FARS2: variants seen among roughly 807,000 people sequenced by gnomAD.
FARS2 encodes the protein phenylalanine--tRNA ligase, mitochondrial.
A neutral mutation model predicts 46.4 loss-of-function variants in FARS2; 40 were observed. The observed-to-expected ratio is 0.86, with a 90% CI of 0.67 to 1.12. The LOEUF is 1.12. Ranked by LOEUF, FARS2 falls within the 50% of genes most tolerant of loss-of-function variation. The probability of loss-of-function intolerance (pLI) is 0.00; values close to 1 mark genes in which losing one functional copy is unlikely to be tolerated. For synonymous variants in FARS2, 234 were observed against 214.9 expected (o/e 1.09, Z -0.78); for missense variants, 513 against 567.9 (o/e 0.90, Z 0.98).
intron 1 of FARS2, among the ~76,000 whole-genome samples, chr6:5,283,992 A>G (rs180845266): frequency 1.4e-4 from 22 of 152,322 alleles, no homozygotes; most frequent in African/African-American, 5.3e-4. Flanking sequence ...GTTGATAGAT[A>G]TTGTCAAATT....
intron 6 of FARS2, among the ~76,000 whole-genome samples, chr6:5,642,013 G>C (rs536823912): frequency 1.2e-4 from 18 of 152,096 alleles, no homozygotes; most frequent in Admixed American, 2.0e-4. Context: ...TGTTATCCTT[G>C]GTACTTACCA....
At chr6:5,667,512 C>A (rs147491714) in intron 6 of FARS2, among the ~76,000 whole-genome samples, 1 of 129,216 alleles carries the variant, frequency 7.7e-6, no homozygotes, top group Non-Finnish European at 1.6e-5. Context: ...AGCAAGACAC[C>A]GTCTCAAGAA....
At chr6:5,516,747 G>C (rs1768820407) in intron 4 of FARS2, among the ~76,000 whole-genome samples, 1 of 152,156 alleles carries the variant, frequency 6.6e-6, no homozygotes. Flanking sequence ...ACCTATAAAA[G>C]AGCTGTGTAT....
chr6:5,255,876 G>T, the FARS2 span, among the ~76,000 whole-genome samples: 1 of 152,198 alleles, frequency 6.6e-6, no homozygotes, highest in Non-Finnish European at 1.5e-5. Flanking sequence ...ACCCCAGGAT[G>T]AGAACTACTA....
At chr6:5,548,639 AATAAAG>A in intron 5 of FARS2, among the ~76,000 whole-genome samples, 1 of 152,220 alleles carries the variant, frequency 6.6e-6, no homozygotes. Context: ...TGGTGTGACA[AATAAAG>A]ATGAAAAACA....
intron 6 of FARS2, among the ~76,000 whole-genome samples, chr6:5,615,841 C>T (rs1035554596): frequency 2.0e-5 from 3 of 151,802 alleles, no homozygotes; most frequent in Non-Finnish European, 4.4e-5. Context: ...TCTAGAATGC[C>T]AAGAAACCAA....
chr6:5,770,341 T>C (rs894139018), intron 6 of FARS2, among the ~76,000 whole-genome samples: 1 of 152,188 alleles, frequency 6.6e-6, no homozygotes, highest in Non-Finnish European at 1.5e-5. Flanking sequence ...CTGGGAGCCC[T>C]CAATTTGTTT....
At chr6:5,593,783 T>A in intron 5 of FARS2, among the ~76,000 whole-genome samples, 1 of 152,192 alleles carries the variant, frequency 6.6e-6, no homozygotes, top group Non-Finnish European at 1.5e-5. Flanking sequence ...TTCGGGGCAG[T>A]GGAGAAGCCA....
chr6:5,341,229 A>T (rs1233264323), intron 1 of FARS2, among the ~76,000 whole-genome samples: 565 of 4,404 alleles, frequency 0.13, 48 homozygotes, highest in African/African-American at 0.23. Flanking sequence ...ATATATATAT[A>T]TATATATTTT....
At chr6:5,567,800 GA>G (rs2092626362) in intron 5 of FARS2, among the ~76,000 whole-genome samples, 1 of 152,230 alleles carries the variant, frequency 6.6e-6, no homozygotes, top group Non-Finnish European at 1.5e-5. Flanking sequence ...AGAGGCCTTG[GA>G]ATTATTTAGC....
upstream of FARS2, among the ~76,000 whole-genome samples, chr6:5,257,537 C>A (rs1317190598): frequency 1.3e-5 from 2 of 152,190 alleles, no homozygotes; most frequent in Admixed American, 6.5e-5. Flanking sequence ...GGTCCCCAAC[C>A]CATCAGTACT....
intron 6 of FARS2, among the ~76,000 whole-genome samples, chr6:5,679,432 G>A (rs1438222869): frequency 6.6e-6 from 1 of 152,082 alleles, no homozygotes; most frequent in Non-Finnish European, 1.5e-5. Context: ...GAGTGCTTTT[G>A]CAGATTGCCT....
chr6:5,298,121 G>GGATAT (rs1768024345), intron 1 of FARS2, among the ~76,000 whole-genome samples: 1 of 152,224 alleles, frequency 6.6e-6, no homozygotes. Flanking sequence ...TTTGTGAAGA[G>GGATAT]GATATGCATT....
At chr6:5,362,512 G>C (rs992475206) in intron 1 of FARS2, among the ~76,000 whole-genome samples, 3 of 152,104 alleles carry the variant, frequency 2.0e-5, no homozygotes, top group East Asian at 3.9e-4. Flanking sequence ...CCATATCTTG[G>C]CCATTGTGAA....
chr6:5,431,234 G>T (rs1763148711), intron 4 of FARS2, 62 bp downstream of exon 4: 1 of 1,553,384 alleles, frequency 6.4e-7, no homozygotes, highest in Admixed American at 1.7e-5. Context: ...TTCTCAGGCA[G>T]CCCCGTTGCA....
chr6:5,353,726 G>GTTTTTTTTTTTTTTTTTTTTTTT (rs55998904), intron 1 of FARS2, among the ~76,000 whole-genome samples: 1 of 40,362 alleles, frequency 2.5e-5, no homozygotes, highest in Non-Finnish European at 4.3e-5. Context: ...AATATTTGGT[G>GTTTTTTTTTTTTTTTTTTTTTTT]TTTTTTTTTT....
intron 6 of FARS2, among the ~76,000 whole-genome samples, chr6:5,701,953 G>A (rs1004968561): frequency 7.9e-5 from 12 of 152,108 alleles, no homozygotes; most frequent in African/African-American, 2.9e-4. Flanking sequence ...AGAAAATGAT[G>A]GGTGGCTTGT....
intron 5 of FARS2, among the ~76,000 whole-genome samples, chr6:5,604,919 C>T (rs1774743693): frequency 1.3e-5 from 2 of 152,160 alleles, no homozygotes; most frequent in South Asian, 4.1e-4. Flanking sequence ...AAAAGTTCTA[C>T]ATGAAAATCT....
chr6:5,742,739 G>C (rs1357799711), intron 6 of FARS2, among the ~76,000 whole-genome samples: 1 of 152,008 alleles, frequency 6.6e-6, no homozygotes, highest in African/African-American at 2.4e-5. Context: ...TGCAAACAAG[G>C]AAAAATCATC....
Sources: gnomAD v4.1 joint callset for allele counts (sites outside exome capture counted in the v4.1 genomes callset) on GRCh38, gnomAD v4.1.1 for gene constraint, MANE v1.5 for transcripts, NCBI Gene and HGNC (gene_info 2026-07-23, HGNC 2026-07-21) for gene names.